The following AGTPBP1 variants were observed in gnomAD, a reference collection of about 807,000 sequenced individuals.
AGTPBP1 encodes cytosolic carboxypeptidase 1.
Under a neutral mutation model 143.9 loss-of-function variants are expected in AGTPBP1, and 70 were observed. The ratio of observed to expected loss-of-function variants is 0.49; its 90% confidence interval spans 0.40 to 0.59. The LOEUF is 0.59. AGTPBP1 is among the 20% of genes least tolerant of loss of function. The probability of loss-of-function intolerance (pLI) is 0.00; values close to 1 mark genes in which losing one functional copy is unlikely to be tolerated. For missense variants in AGTPBP1, 1,229 were observed against 1,464.5 expected (o/e 0.84, Z 2.62); for synonymous variants, 463 against 500.2 (o/e 0.93, Z 0.99).
intron 2 of AGTPBP1, among the ~76,000 whole-genome samples, chr9:85,693,160 C>T (rs1835991108): frequency 6.6e-6 from 1 of 152,308 alleles, no homozygotes; most frequent in Non-Finnish European, 1.5e-5. Flanking sequence ...AATCCTTCTT[C>T]CCATCCGACT....
chr9:85,615,701 T>C lies in AGTPBP1; in HGVS notation c.2335+3282A>G, dbSNP rs1045835320. Among the ~76,000 whole-genome samples the C allele has an allele frequency of 3.3e-5, 5 of 152,134 alleles. No homozygotes were observed. In the East Asian group the frequency reaches 9.6e-4, roughly 29 times the overall value. On this transcript the variant is annotated intron_variant, in intron 17 of 25. Coordinates refer to ENST00000357081, the MANE Select transcript of AGTPBP1 (RefSeq NM_001330701.2). ...CAATGGTTTTTTTTGGATGCTCCCT[T>C]TCTAAAGTTTTTCCTTTAAACTGTT...
chr9:85,610,636 C>T (rs1005322432), intron 17 of AGTPBP1, among the ~76,000 whole-genome samples: 6 of 151,854 alleles, frequency 4.0e-5, no homozygotes, highest in African/African-American at 1.5e-4. Flanking sequence ...CCAACCGGCA[C>T]GCCCCAATCA....
chr9:85,786,353 A>G, the AGTPBP1 span: 1 of 1,614,012 alleles, frequency 6.2e-7, no homozygotes, highest in Non-Finnish European at 8.5e-7. Flanking sequence ...ACAGAAACAG[A>G]TGATAATCAG....
the AGTPBP1 span, among the ~76,000 whole-genome samples, chr9:85,793,146 T>C: frequency 6.6e-6 from 1 of 152,212 alleles, no homozygotes; most frequent in Non-Finnish European, 1.5e-5. Flanking sequence ...AGAGGATGTT[T>C]TTTACTGGAT....
the AGTPBP1 span, among the ~76,000 whole-genome samples, chr9:85,800,612 TATGTTCA>T: frequency 2.0e-5 from 3 of 152,224 alleles, no homozygotes; most frequent in Non-Finnish European, 4.4e-5. Flanking sequence ...GAGACAAACG[TATGTTCA>T]ATGCACTATG....
chr9:85,592,068 A>G (rs1374634294), intron 19 of AGTPBP1, among the ~76,000 whole-genome samples: 1 of 152,068 alleles, frequency 6.6e-6, no homozygotes, highest in African/African-American at 2.4e-5. Context: ...TTTCCTTCAG[A>G]AAAAGATCTC....
intron 8 of AGTPBP1, among the ~76,000 whole-genome samples, chr9:85,666,008 A>G (rs1834110529): frequency 6.6e-6 from 1 of 152,168 alleles, no homozygotes; most frequent in Admixed American, 6.5e-5. Flanking sequence ...TAGTTAATTA[A>G]TTAAAATTTC....
the AGTPBP1 span, among the ~76,000 whole-genome samples, chr9:85,766,916 A>T: frequency 6.6e-6 from 1 of 152,028 alleles, no homozygotes; most frequent in Admixed American, 6.6e-5. Flanking sequence ...TATTTTTCCT[A>T]ATTTTATTAC....
chr9:85,558,280 T>C (rs1826478184), intron 25 of AGTPBP1, among the ~76,000 whole-genome samples: 1 of 152,126 alleles, frequency 6.6e-6, no homozygotes, highest in Non-Finnish European at 1.5e-5. Context: ...ATATCCAGAA[T>C]AGGTGAATCC....
At chr9:85,620,043 CAGTAT>C (rs779799384) in intron 15 of AGTPBP1, among the ~76,000 whole-genome samples, 9 of 151,802 alleles carry the variant, frequency 5.9e-5, no homozygotes, top group Non-Finnish European at 1.0e-4. Context: ...TTTTTTATAA[CAGTAT>C]TATTTCAAAT....
At chr9:85,776,619 T>C in the AGTPBP1 span, among the ~76,000 whole-genome samples, 72 of 152,354 alleles carry the variant, frequency 4.7e-4, no homozygotes, top group African/African-American at 1.7e-3. Context: ...TTCATCTTGA[T>C]AGTCCAGGTC....
At chr9:85,574,107 T>C (rs1303885279) in intron 25 of AGTPBP1, among the ~76,000 whole-genome samples, 5 of 152,260 alleles carry the variant, frequency 3.3e-5, no homozygotes, top group African/African-American at 1.2e-4. Flanking sequence ...TGGGAGACTT[T>C]TCATTTTGTT....
At chr9:85,645,538 T>C (rs1470894753) in intron 12 of AGTPBP1, among the ~76,000 whole-genome samples, 1 of 152,144 alleles carries the variant, frequency 6.6e-6, no homozygotes, top group East Asian at 1.9e-4. Flanking sequence ...GACAGAAATC[T>C]TCCAATATCT....
In AGTPBP1 at chr9:85,741,204, C is replaced by T. The variant is rs1824240441; in HGVS notation, c.-34+571G>A. ...GGCGACAAGTTGTAAACAGAAGACA[C>T]ACTTCAGCTCAAACCACCCAGCGAG... On this transcript the variant is annotated intron_variant, in intron 1 of 25. Transcript: ENST00000357081. 3.0e-6 allele frequency: 3 copies of T among 984,950 alleles called. No individual in the cohort carries two copies. The South Asian group carries it at 1.4e-4, about 46-fold the overall frequency. 61.0% of individuals were successfully genotyped at this position (984,950 alleles called of 1,614,324 possible). A position where few individuals can be genotyped will look rare whatever the true frequency, so the allele number is the denominator to read the frequency against.
At chr9:85,660,330 T>C (rs1381104639) in intron 9 of AGTPBP1, among the ~76,000 whole-genome samples, 1 of 151,990 alleles carries the variant, frequency 6.6e-6, no homozygotes. Context: ...ATATTTAAAA[T>C]AAAGAGACTC....
the AGTPBP1 span, among the ~76,000 whole-genome samples, chr9:85,760,059 AC>A: frequency 1.3e-5 from 2 of 152,172 alleles, no homozygotes; most frequent in Non-Finnish European, 2.9e-5. Context: ...CCCTCCCAAG[AC>A]TAAACCAGGA....
At chr9:85,634,443 T>G (rs556303222) in intron 13 of AGTPBP1, among the ~76,000 whole-genome samples, 2 of 152,144 alleles carry the variant, frequency 1.3e-5, no homozygotes, top group Non-Finnish European at 2.9e-5. Context: ...AAGGATGGGA[T>G]AGCTGGGAAA....
At chr9:85,736,121 T>G (rs569967966) in intron 1 of AGTPBP1, among the ~76,000 whole-genome samples, 2 of 152,324 alleles carry the variant, frequency 1.3e-5, no homozygotes, top group East Asian at 3.9e-4. Flanking sequence ...ATTCCCAAAA[T>G]GTTAAATTTG....
chr9:85,609,641 G>A (rs538279012), intron 17 of AGTPBP1, among the ~76,000 whole-genome samples: 2 of 152,186 alleles, frequency 1.3e-5, no homozygotes, highest in African/African-American at 4.8e-5. Flanking sequence ...TGAAGAAATG[G>A]CAGATTTCAT....
Sources: gnomAD v4.1 joint callset for allele counts (sites outside exome capture counted in the v4.1 genomes callset) on GRCh38, gnomAD v4.1.1 for gene constraint, MANE v1.5 for transcripts, NCBI Gene and HGNC (gene_info 2026-07-23, HGNC 2026-07-21) for gene names.